The following EYS variants were observed in gnomAD, a reference collection of about 807,000 sequenced individuals.
EYS encodes the protein EGF-like photoreceptor maintenance factor, also known as protein eyes shut homolog.
EYS carries 250 observed loss-of-function variants against 282.1 expected under a neutral mutation model. The observed-to-expected ratio is 0.89, with a 90% CI of 0.80 to 0.98. EYS has a LOEUF of 0.98. EYS is among the 50% of genes least tolerant of loss of function. The pLI, the probability that EYS is intolerant of heterozygous loss-of-function variation, is 0.00. For missense variants in EYS, 4,016 were observed against 3,709.0 expected (o/e 1.08, Z -2.15); for synonymous variants, 1,355 against 1,282.9 (o/e 1.06, Z -1.20).
At chr6:63,900,875 G>C (rs900908800) in intron 35 of EYS, among the ~76,000 whole-genome samples, 1 of 152,062 alleles carries the variant, frequency 6.6e-6, no homozygotes, top group Non-Finnish European at 1.5e-5. Flanking sequence ...ATAAATTTAG[G>C]CAAGTTTACT....
At chr6:64,862,880 T>C (rs2150049420) in intron 19 of EYS, among the ~76,000 whole-genome samples, 1 of 152,276 alleles carries the variant, frequency 6.6e-6, no homozygotes, top group South Asian at 2.1e-4. Flanking sequence ...TGGCTACTTT[T>C]AAGATAGTTT....
chr6:63,952,388 G>T (rs569319814), intron 35 of EYS, among the ~76,000 whole-genome samples: 4 of 152,322 alleles, frequency 2.6e-5, no homozygotes, highest in African/African-American at 9.6e-5. Flanking sequence ...AAGCCTCCTG[G>T]ACCATCACAG....
At chr6:64,048,610 T>C (rs188658094) in intron 33 of EYS, among the ~76,000 whole-genome samples, 329 of 152,250 alleles carry the variant, frequency 2.2e-3, no homozygotes, top group Non-Finnish European at 2.2e-3. Context: ...CTCAAATGTT[T>C]TTCATTTAAT....
intron 37 of EYS, among the ~76,000 whole-genome samples, chr6:63,796,031 A>C (rs907997649): frequency 6.6e-6 from 1 of 152,210 alleles, no homozygotes; most frequent in African/African-American, 2.4e-5. Flanking sequence ...CTAGTGGTTC[A>C]AGCCATGGAT....
At chr6:65,411,668 G>A (rs1201386154) in intron 5 of EYS, among the ~76,000 whole-genome samples, 3 of 151,838 alleles carry the variant, frequency 2.0e-5, no homozygotes, top group Non-Finnish European at 4.4e-5. Flanking sequence ...GACAACCATC[G>A]ATTTTCTCCA....
chr6:64,906,824 C>A lies in EYS; in HGVS notation c.2642-4324G>T, dbSNP rs561284481. On this transcript the variant is annotated intron_variant, in intron 16 of 42. Transcript: ENST00000503581. The stretch of plus-strand genomic sequence containing the variant: ...AAGTATTTGATAGGGTAATTTTTTG[C>A]CTATAAACTGAGAAAGTGGAGTAAT... 5.3e-5 allele frequency among the ~76,000 whole-genome samples: 8 copies of A among 152,050 alleles called. No individual in the cohort carries two copies. In the South Asian group the frequency reaches 1.5e-3, roughly 28 times the overall value.
chr6:65,473,892 A>G (rs1228876766), intron 5 of EYS, among the ~76,000 whole-genome samples: 1 of 151,520 alleles, frequency 6.6e-6, no homozygotes, highest in Non-Finnish European at 1.5e-5. Flanking sequence ...AAAGTGAGAG[A>G]ACTAGAAGGA....
At chr6:64,829,076 A>ATGACG (rs1765140546) in intron 19 of EYS, among the ~76,000 whole-genome samples, 1 of 151,904 alleles carries the variant, frequency 6.6e-6, no homozygotes, top group Non-Finnish European at 1.5e-5. Flanking sequence ...GGCAAATGAC[A>ATGACG]TGGCTGGACT....
intron 28 of EYS, among the ~76,000 whole-genome samples, chr6:64,396,273 C>T (rs187168838): frequency 6.6e-6 from 1 of 152,122 alleles, no homozygotes; most frequent in Admixed American, 6.6e-5. Context: ...TATAGACATG[C>T]TTGTATGTAT....
chr6:64,432,711 A>G (rs963888203), intron 28 of EYS, among the ~76,000 whole-genome samples: 1 of 151,964 alleles, frequency 6.6e-6, no homozygotes, highest in Non-Finnish European at 1.5e-5. Flanking sequence ...ATGTGCCACT[A>G]TCTTCAGCTT....
intron 35 of EYS, among the ~76,000 whole-genome samples, chr6:63,891,753 C>T (rs185196682): frequency 2.0e-5 from 3 of 152,074 alleles, no homozygotes; most frequent in Admixed American, 6.6e-5. Context: ...GGCAAGAGAA[C>T]GAAATAAAGG....
chr6:64,043,301 C>T (rs1770472777), intron 33 of EYS, among the ~76,000 whole-genome samples: 1 of 152,170 alleles, frequency 6.6e-6, no homozygotes, highest in African/African-American at 2.4e-5. Flanking sequence ...AAATGCACCA[C>T]AAGGCTCAGT....
intron 12 of EYS, among the ~76,000 whole-genome samples, chr6:65,121,649 T>A (rs923615416): frequency 1.3e-5 from 2 of 152,202 alleles, no homozygotes; most frequent in African/African-American, 2.4e-5. Context: ...GGAGCATGTT[T>A]ACTTTAGCAG....
At chr6:63,811,269 G>C (rs796745716) in intron 36 of EYS, among the ~76,000 whole-genome samples, 5 of 152,258 alleles carry the variant, frequency 3.3e-5, no homozygotes, top group African/African-American at 1.2e-4. Context: ...ATTCATGCTC[G>C]ATTTTATTCC....
intron 22 of EYS, chr6:64,729,118 G>C (rs1353972974): frequency 2.0e-5 from 3 of 152,342 alleles, no homozygotes; most frequent in Admixed American, 2.0e-4. Context: ...TTTTGGAAAA[G>C]GCAACATTCG....
At chr6:64,546,445 C>G (rs1025894561) in intron 26 of EYS, among the ~76,000 whole-genome samples, 4 of 152,174 alleles carry the variant, frequency 2.6e-5, no homozygotes, top group African/African-American at 4.8e-5. Context: ...CAATACCATT[C>G]AGGACATAGG....
intron 31 of EYS, among the ~76,000 whole-genome samples, chr6:64,169,096 G>A (rs1764393153): frequency 6.6e-6 from 1 of 152,142 alleles, no homozygotes; most frequent in South Asian, 2.1e-4. Flanking sequence ...TTAGATTTGT[G>A]AGCTCCATAA....
chr6:65,275,272 G>A (rs1277732071), intron 12 of EYS, among the ~76,000 whole-genome samples: 2 of 152,138 alleles, frequency 1.3e-5, no homozygotes, highest in Non-Finnish European at 2.9e-5. Context: ...GTATGTTACT[G>A]GACCTTAGTC....
At chr6:65,051,746 C>T (rs1349498938) in intron 13 of EYS, among the ~76,000 whole-genome samples, 1 of 151,430 alleles carries the variant, frequency 6.6e-6, no homozygotes, top group African/African-American at 2.4e-5. Flanking sequence ...GAGACAAATA[C>T]CGCATGATCC....
Sources: gnomAD v4.1 joint callset for allele counts (sites outside exome capture counted in the v4.1 genomes callset) on GRCh38, gnomAD v4.1.1 for gene constraint, MANE v1.5 for transcripts, NCBI Gene and HGNC (gene_info 2026-07-23, HGNC 2026-07-21) for gene names.